CARF: variants seen among roughly 807,000 people sequenced by gnomAD.
The protein encoded by CARF is calcium responsive transcription factor.
Under a neutral mutation model 82.0 loss-of-function variants are expected in CARF, and 57 were observed. That is an observed-to-expected ratio of 0.70 (90% CI 0.56 to 0.87). The LOEUF (loss-of-function observed/expected upper bound fraction) is 0.87. Ranked by LOEUF, CARF falls within the 40% of genes least tolerant of loss-of-function variation. The probability of loss-of-function intolerance (pLI) is 0.00; values close to 1 mark genes in which losing one functional copy is unlikely to be tolerated. For missense variants in CARF, 771 were observed against 855.8 expected (o/e 0.90, Z 1.24); for synonymous variants, 268 against 290.1 (o/e 0.92, Z 0.77).
Position 202,983,861 on chromosome 2 carries a change from G to A in CARF, c.*237G>A, listed in dbSNP as rs773651960. 5.0e-6 allele frequency: 2 copies of A among 399,746 alleles called. No individual in the cohort carries two copies. Among genetic ancestry groups the A allele is most frequent in the Non-Finnish European group, 8.8e-6 (2 of 227,438 alleles). 24.8% of individuals were successfully genotyped at this position (399,746 alleles called of 1,614,324 possible). A position where few individuals can be genotyped will look rare whatever the true frequency, so the allele number is the denominator to read the frequency against. On this transcript the variant is annotated 3_prime_UTR_variant, in exon 17 of 17. Transcript: ENST00000438828. The stretch of plus-strand genomic sequence containing the variant: ...GCTCTTTGATTATCTAATAAGGCCA[G>A]TATTTCAAAAGCTGTTCTGAATTTA...
rs1688822596 is a variant in CARF at position 202,912,612 on chromosome 2, C to T, written c.-820C>T. ...CCAAGCTTGGGGGCCTTTTCGGGGT[C>T]CCACATGGCACGGCTTCCGACCCCC... On this transcript the variant is annotated 5_prime_UTR_variant, in exon 1 of 17. Coordinates refer to ENST00000438828, the MANE Select transcript of CARF (RefSeq NM_024744.17). 6.6e-6 allele frequency: 1 copy of T among 152,100 alleles called. No homozygotes were observed. The highest frequency in any genetic ancestry group is 6.5e-5 in the Admixed American group (1 of 15,280). The allele number at this position is 152,100 out of a possible 1,614,324, so 9.4% of individuals were successfully genotyped here.
rs1574665849 is a variant in CARF, at chr2:202,955,527, C to G, written c.558-147C>G. ...TGGTTAAAGAAAATAATAACTAATG[C>G]ACCCATCAGATCAATCTGTAGTTAT... On this transcript the variant is annotated intron_variant, in intron 7 of 16. Coordinates refer to ENST00000438828, the MANE Select transcript of CARF (RefSeq NM_024744.17). The G allele has an allele frequency of 8.3e-6, 4 of 479,162 alleles. No homozygotes were observed. In the East Asian group the frequency reaches 1.3e-4, roughly 16 times the overall value. 29.7% of individuals were successfully genotyped at this position (479,162 alleles called of 1,614,324 possible).
intron 3 of CARF, among the ~76,000 whole-genome samples, chr2:202,926,449 A>T (rs1401292145): frequency 6.6e-6 from 1 of 152,292 alleles, no homozygotes; most frequent in African/African-American, 2.4e-5. Flanking sequence ...TATTCTGTCC[A>T]TTGATCTATT....
At chr2:202,921,826 GAA>G (rs1690849600) in intron 2 of CARF, among the ~76,000 whole-genome samples, 1 of 151,738 alleles carries the variant, frequency 6.6e-6, no homozygotes, top group Non-Finnish European at 1.5e-5. Flanking sequence ...AAATTTTATT[GAA>G]AAATTTTTTT....
At position 202,939,427 on chromosome 2, in the gene CARF, T is replaced by C. The variant is rs560786117; in HGVS notation, c.-43-2433T>C. Among the ~76,000 whole-genome samples, 6 of 152,288 alleles carry C rather than the reference T, an allele frequency of 3.9e-5. 1 individual carries two copies. Among genetic ancestry groups the C allele is most frequent in the African/African-American group, 1.4e-4 (6 of 41,570 alleles). On this transcript the variant is annotated intron_variant, in intron 3 of 16. Transcript: ENST00000438828. ...CACTTAAGGTATTTTCAATGCACAG[T>C]GTGTTTATCGGGATAGTAACTCCAT...
At position 202,942,859 on chromosome 2, in the gene CARF, C is replaced by T. The variant is rs1168348395; in HGVS notation, c.198C>T (p.Pro66=). 2 of 1,613,962 alleles carry T rather than the reference C, an allele frequency of 1.2e-6. No homozygotes were observed. Among genetic ancestry groups the T allele is most frequent in the Non-Finnish European group, 1.7e-6 (2 of 1,180,022 alleles). ...TCATATCACAGAATATACCAGGGCC[C>T]CTGACTCAGACACAGACTCTTTCTG... ...NSLISQNIPG[P]LTQTQTLSAE... Residue 66 remains proline, a synonymous_variant, in exon 5 of 17, where the codon CCC becomes CCT. Coordinates refer to ENST00000438828, the MANE Select transcript of CARF (RefSeq NM_024744.17).
chr2:202,912,473 C>CG lies in CARF; in HGVS notation c.-959_-958insG, dbSNP rs1398499469. 1 of 30,952 alleles carries CG rather than the reference C, an allele frequency of 3.2e-5. No homozygotes were observed. Among genetic ancestry groups the CG allele is most frequent in the Non-Finnish European group, 1.5e-4 (1 of 6,620 alleles). 1.9% of individuals were successfully genotyped at this position (30,952 alleles called of 1,614,324 possible). A position where few individuals can be genotyped will look rare whatever the true frequency, so the allele number is the denominator to read the frequency against. Reference sequence around the variant, plus strand: ...ACCTACCGGACGCTACCTCCCAACCCCCCGTCTTCCTCCTGCCTCCTCCTC... The same window carrying CG: ...ACCTACCGGACGCTACCTCCCAACCCGCCCGTCTTCCTCCTGCCTCCTCCTC... On this transcript the variant is annotated 5_prime_UTR_variant, in exon 1 of 17. An upstream open reading frame in the 5' UTR gains an earlier in-frame stop. Transcript: ENST00000438828.
At chr2:202,976,825 C>T (rs896717178) in intron 13 of CARF, among the ~76,000 whole-genome samples, 3 of 151,798 alleles carry the variant, frequency 2.0e-5, no homozygotes, top group African/African-American at 7.3e-5. Context: ...GTCCTCCCAC[C>T]TTAGCCTCCT....
At chr2:202,959,916 C>A (rs868696907) in intron 8 of CARF, among the ~76,000 whole-genome samples, 1 of 151,904 alleles carries the variant, frequency 6.6e-6, no homozygotes, top group South Asian at 2.1e-4. Flanking sequence ...TTTATTTACA[C>A]CTTTCCTTGT....
At chr2:202,955,498 G>C (rs2058993572) in intron 7 of CARF, among the ~76,000 whole-genome samples, 176 bp from the exon 8 acceptor site, 1 of 152,200 alleles carries the variant, frequency 6.6e-6, no homozygotes, top group African/African-American at 2.4e-5. Flanking sequence ...TAATAAAATA[G>C]CAGTGGTTAA....
intron 3 of CARF, among the ~76,000 whole-genome samples, chr2:202,939,563 A>G (rs1407955564): frequency 1.3e-5 from 2 of 151,750 alleles, no homozygotes; most frequent in South Asian, 2.1e-4. Context: ...AGTCTTTGTC[A>G]TACATTTTAT....
intron 3 of CARF, chr2:202,925,293 C>A: frequency 2.8e-6 from 1 of 360,346 alleles, no homozygotes; most frequent in Non-Finnish European, 5.5e-6. Flanking sequence ...AGCTGACTGA[C>A]AAGATCAACT....
At chr2:202,918,243 A>T (rs1317517199) in intron 2 of CARF, among the ~76,000 whole-genome samples, 200 bp downstream of exon 2, 1 of 152,172 alleles carries the variant, frequency 6.6e-6, no homozygotes, top group Admixed American at 6.6e-5. Flanking sequence ...TGACAGGGCC[A>T]GGCGCGGTGG....
chr2:202,944,366 T>C (rs1350434376), intron 5 of CARF, among the ~76,000 whole-genome samples: 1 of 152,158 alleles, frequency 6.6e-6, no homozygotes, highest in Non-Finnish European at 1.5e-5. Flanking sequence ...ATAAATATTT[T>C]ATTACTTTCA....
chr2:202,915,720 G>A (rs897500829), intron 1 of CARF, among the ~76,000 whole-genome samples: 1 of 152,046 alleles, frequency 6.6e-6, no homozygotes, highest in Non-Finnish European at 1.5e-5. Flanking sequence ...CATCTGCTCA[G>A]CCTCCCAAAG....
intron 11 of CARF, 99 bp from the exon 12 acceptor site, chr2:202,971,406 A>C: frequency 1.7e-6 from 1 of 585,416 alleles, no homozygotes; most frequent in Non-Finnish European, 2.8e-6. Flanking sequence ...TTCCTTTATG[A>C]GTATTAACCT....
chr2:202,964,535 C>G (rs2059459763), intron 9 of CARF, among the ~76,000 whole-genome samples: 1 of 152,088 alleles, frequency 6.6e-6, no homozygotes, highest in Non-Finnish European at 1.5e-5. Flanking sequence ...CCCACTTCAG[C>G]CTCCCAAAGT....
At chr2:202,972,663 G>A (rs973700326) in intron 12 of CARF, among the ~76,000 whole-genome samples, 13 of 124,020 alleles carry the variant, frequency 1.0e-4, no homozygotes, top group African/African-American at 1.5e-4. Context: ...GCTACAGAGC[G>A]AGACTCCGTC....
In CARF at chr2:202,971,490, A is replaced by G. The variant is rs1454092949; in HGVS notation, c.1098-15A>G. On this transcript the variant is annotated splice_polypyrimidine_tract_variant and intron_variant, in intron 11 of 16. Coordinates refer to ENST00000438828, the MANE Select transcript of CARF (RefSeq NM_024744.17). ...TGTTTAAATTTTAGTAATTTTAAAT[A>G]TTTTCTCTTACCAGGTGGTATGTAC... The G allele has an allele frequency of 1.4e-6, 2 of 1,462,350 alleles. No homozygotes were observed. The highest frequency in any genetic ancestry group is 3.7e-5 in the Admixed American group (2 of 54,712). The allele number at this position is 1,462,350 out of a possible 1,614,324, so 90.6% of individuals were successfully genotyped here.
Sources: allele counts gnomAD v4.1 joint callset (sites outside exome capture counted in the v4.1 genomes callset), GRCh38; gene constraint gnomAD v4.1.1; transcripts MANE v1.5; gene names NCBI Gene and HGNC (gene_info 2026-07-23, HGNC 2026-07-21).